The following GMCL1 variants were observed in gnomAD, a reference collection of about 807,000 sequenced individuals.
The protein encoded by GMCL1 is germ cell-less protein-like 1.
GMCL1 carries 54 observed loss-of-function variants against 75.5 expected under a neutral mutation model. The observed-to-expected ratio is 0.71, with a 90% CI of 0.57 to 0.90. The LOEUF is 0.90. Among genes scored for constraint, GMCL1 ranks in the 40% least tolerant of loss-of-function variants. The pLI is 0.00. For synonymous variants in GMCL1, 210 were observed against 209.6 expected, an observed-to-expected ratio of 1.00 and a Z score of -0.02; for missense variants, 537 against 622.7, an observed-to-expected ratio of 0.86 and a Z score of 1.47.
At chr2:69,866,685 G>A (rs1167042796) in intron 11 of GMCL1, among the ~76,000 whole-genome samples, 1 of 150,606 alleles carries the variant, frequency 6.6e-6, no homozygotes, top group Non-Finnish European at 1.5e-5. Context: ...GGCTAGTCTC[G>A]AATTAGTGGG....
chr2:69,853,400 T>C (rs1443471662), intron 8 of GMCL1, among the ~76,000 whole-genome samples: 1 of 152,224 alleles, frequency 6.6e-6, no homozygotes, highest in South Asian at 2.1e-4. Context: ...ACAAAAAATA[T>C]ATGAGATAAT....
At chr2:69,838,897 A>G (rs997683331) in intron 2 of GMCL1, among the ~76,000 whole-genome samples, 1 of 152,198 alleles carries the variant, frequency 6.6e-6, no homozygotes, top group African/African-American at 2.4e-5. Context: ...CATACTAAGT[A>G]CTCAGTAACA....
At chr2:69,855,715 A>G (rs1275083915) in intron 9 of GMCL1, among the ~76,000 whole-genome samples, 2 of 152,198 alleles carry the variant, frequency 1.3e-5, no homozygotes, top group African/African-American at 4.8e-5. Flanking sequence ...GCATTTTTAT[A>G]AAATCACTTT....
At position 69,830,051 on chromosome 2, in the gene GMCL1, G is replaced by C; in HGVS notation, c.159G>C (p.Lys53Asn). ...ACTGTGCGGGCAGCCACAAGCGCAA[G>C]CGGAGCAGCGGGTCCTTCTGCTACT... ...FCYCAGSHKR[K>N]RSSGSFCYCH... The change falls in exon 1 of 14, where the codon AAG becomes AAC. Residue 53 changes from lysine (K) to asparagine (N), a missense_variant. Lys to Asn is a moderately conservative substitution (Grantham distance 94, BLOSUM62 0). Transcript: ENST00000282570. 1 of 1,566,460 alleles carries C rather than the reference G, an allele frequency of 6.4e-7. No homozygotes were observed. The highest frequency in any genetic ancestry group is 8.7e-7 in the Non-Finnish European group (1 of 1,155,046).
intron 9 of GMCL1, among the ~76,000 whole-genome samples, chr2:69,859,240 A>G (rs1050923413): frequency 2.6e-5 from 4 of 151,790 alleles, no homozygotes; most frequent in African/African-American, 9.7e-5. Flanking sequence ...AATTTTACAA[A>G]TGAGTCATGA....
intron 6 of GMCL1, chr2:69,845,025 G>A (rs1675095719): frequency 1.3e-5 from 2 of 156,724 alleles, no homozygotes. Context: ...CCAGCACTTT[G>A]GGAGGCCAAG....
Position 69,844,531 on chromosome 2 carries a change from A to AAACTGT in GMCL1, c.758+336_758+341dup, listed in dbSNP as rs201125434. On this transcript the variant is annotated intron_variant, in intron 6 of 13. Coordinates refer to ENST00000282570, the MANE Select transcript of GMCL1 (RefSeq NM_178439.5). ...TTTTTATTGAGAAATAAGTTTGAAGAAACTGTTTTGGCCTTTTTTTTTTTT... is the reference window on the plus strand; with the variant it reads ...TTTTTATTGAGAAATAAGTTTGAAGAAACTGTAACTGTTTTGGCCTTTTTTTTTTTT... The AAACTGT allele has an allele frequency of 1.9e-3, 301 of 154,636 alleles. 2 individuals are homozygous for AAACTGT. In the East Asian group the frequency reaches 0.025, roughly 13 times the overall value. The allele number at this position is 154,636 out of a possible 1,614,324, so 9.6% of individuals were successfully genotyped here. A position where few individuals can be genotyped will look rare whatever the true frequency, so the allele number is the denominator to read the frequency against.
At chr2:69,860,896 G>A (rs1221392875) in intron 9 of GMCL1, among the ~76,000 whole-genome samples, 1 of 152,318 alleles carries the variant, frequency 6.6e-6, no homozygotes, top group East Asian at 1.9e-4. Context: ...AGGCTGGAGT[G>A]CAGTGGCATG....
rs2103962781 is a variant in GMCL1 at position 69,843,147 on chromosome 2, A to G, written c.580-2A>G. On this transcript the variant is annotated splice_acceptor_variant, in intron 4 of 13. Transcript: ENST00000282570. LOFTEE classifies it high-confidence loss of function. ...CTTTCCAGTGCTTATTTATATTTAC[A>G]GGACGGTTTAATACAGCAGTGTGGT... 1.3e-6 allele frequency: 2 copies of G among 1,584,326 alleles called. No homozygotes were observed. Among genetic ancestry groups the G allele is most frequent in the East Asian group, 4.5e-5 (2 of 44,466 alleles).
Position 69,880,047 on chromosome 2 carries a change from G to A in GMCL1, c.*1043G>A, listed in dbSNP as rs1345799940. 2 of 152,092 alleles carry A rather than the reference G, an allele frequency of 1.3e-5. No homozygotes were observed. The highest frequency in any genetic ancestry group is 2.9e-5 in the Non-Finnish European group (2 of 68,024). 9.4% of individuals were successfully genotyped at this position (152,092 alleles called of 1,614,324 possible). ...ATGATGAAGCATTAATGTAAAAATG[G>A]AACTTATTTTTGTCAAAAATGAGAT... On this transcript the variant is annotated 3_prime_UTR_variant, in exon 14 of 14. Transcript: ENST00000282570.
intron 11 of GMCL1, 148 bp downstream of exon 11, chr2:69,865,123 T>A: frequency 1.8e-6 from 1 of 566,668 alleles, no homozygotes; most frequent in Admixed American, 3.3e-5. Context: ...GGGAAAGTAG[T>A]TACAGCCACC....
At chr2:69,849,848 C>T in intron 8 of GMCL1, 106 bp downstream of exon 8, 2 of 598,644 alleles carry the variant, frequency 3.3e-6, no homozygotes, top group Non-Finnish European at 5.5e-6. Flanking sequence ...TGAAATCAGG[C>T]CCTGACTTGT....
At chr2:69,862,709 A>C (rs1476463137) in intron 10 of GMCL1, among the ~76,000 whole-genome samples, 1 of 152,152 alleles carries the variant, frequency 6.6e-6, no homozygotes, top group Non-Finnish European at 1.5e-5. Context: ...CAGTGAGCCA[A>C]GATTGCGCCA....
At chr2:69,851,895 AAATT>A (rs1242415765) in intron 8 of GMCL1, among the ~76,000 whole-genome samples, 11 of 152,256 alleles carry the variant, frequency 7.2e-5, no homozygotes, top group Non-Finnish European at 1.5e-4. Flanking sequence ...AGAGCCAGAT[AAATT>A]AATTTTCTAT....
intron 13 of GMCL1, among the ~76,000 whole-genome samples, chr2:69,873,132 C>A (rs555963730): frequency 6.6e-6 from 1 of 152,268 alleles, no homozygotes; most frequent in South Asian, 2.1e-4. Context: ...GAAAGAAAGA[C>A]AGCTCAGGGA....
intron 1 of GMCL1, among the ~76,000 whole-genome samples, chr2:69,835,358 G>C (rs1011222162): frequency 1.3e-5 from 2 of 152,040 alleles, no homozygotes; most frequent in Admixed American, 1.3e-4. Context: ...AGATCTCTAG[G>C]TATACTGGTG....
chr2:69,846,455 A>G (rs1243021409), intron 6 of GMCL1, among the ~76,000 whole-genome samples: 1 of 152,234 alleles, frequency 6.6e-6, no homozygotes, highest in Non-Finnish European at 1.5e-5. Context: ...TGCATAGGTT[A>G]CATGCAAATA....
intron 7 of GMCL1, among the ~76,000 whole-genome samples, chr2:69,848,407 T>C (rs995727561): frequency 2.0e-5 from 3 of 152,226 alleles, no homozygotes; most frequent in African/African-American, 7.2e-5. Context: ...ATCCAATCTT[T>C]TAAAAAATTG....
intron 10 of GMCL1, among the ~76,000 whole-genome samples, chr2:69,864,278 A>G (rs1171536671): frequency 2.0e-5 from 3 of 152,030 alleles, no homozygotes; most frequent in Non-Finnish European, 4.4e-5. Context: ...GTGAATGAAT[A>G]TATGAATGAA....
Sources: gnomAD v4.1 joint callset for allele counts (sites outside exome capture counted in the v4.1 genomes callset) on GRCh38, gnomAD v4.1.1 for gene constraint, MANE v1.5 for transcripts, NCBI Gene and HGNC (gene_info 2026-07-23, HGNC 2026-07-21) for gene names.